The following CCNDBP1 variants were observed in gnomAD, a reference collection of about 807,000 sequenced individuals.
CCNDBP1 encodes cyclin D1 binding protein 1, also known as cyclin-D1-binding protein 1.
CCNDBP1 carries 45 observed loss-of-function variants against 46.2 expected under a neutral mutation model. The ratio of observed to expected loss-of-function variants is 0.97; its 90% confidence interval spans 0.77 to 1.25. CCNDBP1 has a LOEUF of 1.25. CCNDBP1 is among the 50% of genes most tolerant of loss of function. The pLI is 0.00. For missense variants in CCNDBP1, 436 were observed against 442.1 expected (o/e 0.99, Z 0.12); for synonymous variants, 154 against 163.6 (o/e 0.94, Z 0.45).
intron 4 of CCNDBP1, 137 bp downstream of exon 4, chr15:43,189,417 T>A: frequency 1.8e-6 from 1 of 558,676 alleles, no homozygotes; most frequent in Non-Finnish European, 3.1e-6. Flanking sequence ...TTTTGTAATG[T>A]AAGTGACTTA....
At chr15:43,187,361 C>T (rs1466079801) in intron 3 of CCNDBP1, among the ~76,000 whole-genome samples, 4 of 151,808 alleles carry the variant, frequency 2.6e-5, no homozygotes, top group Non-Finnish European at 5.9e-5. Context: ...CCTCTGCCTA[C>T]CGGGTTCAAG....
At chr15:43,193,680 A>G (rs973639841) in intron 9 of CCNDBP1, among the ~76,000 whole-genome samples, 30 of 152,192 alleles carry the variant, frequency 2.0e-4, no homozygotes, top group Non-Finnish European at 4.4e-5. Context: ...CTCTAATGTT[A>G]TTGGAAAGAG....
rs1253622969 is a variant in CCNDBP1 at position 43,185,590 on chromosome 15, T to G, written c.92T>G (p.Leu31Arg). Residue 31 changes from leucine to arginine, a missense_variant, in exon 1 of 11, where the codon CTC becomes CGC. Physicochemically the swap from Leu to Arg is moderately radical, Grantham distance 102 (BLOSUM62 -2). Coordinates refer to ENST00000300213, the MANE Select transcript of CCNDBP1 (RefSeq NM_012142.5). Reference protein sequence around the residue: ...LRHLAEELRLLLPRVRVGEAQ... With the variant: ...LRHLAEELRLRLPRVRVGEAQ... ...CACTTGGCGGAGGAGCTGCGGTTGCTCCTGCCTCGAGTGCGGGGTGAGCTG... is the reference window on the plus strand; with the variant it reads ...CACTTGGCGGAGGAGCTGCGGTTGCGCCTGCCTCGAGTGCGGGGTGAGCTG... 6.4e-7 allele frequency: 1 copy of G among 1,562,126 alleles called. No individual in the cohort carries two copies. Among genetic ancestry groups the G allele is most frequent in the Non-Finnish European group, 8.6e-7 (1 of 1,156,418 alleles).
intron 9 of CCNDBP1, chr15:43,193,971 C>T: frequency 3.5e-6 from 1 of 288,016 alleles, no homozygotes; most frequent in South Asian, 2.8e-5. Flanking sequence ...GCATATGCAT[C>T]TTATATGTAT....
chr15:43,189,616 C>T (rs914004777), intron 4 of CCNDBP1: 14 of 325,430 alleles, frequency 4.3e-5, no homozygotes, highest in African/African-American at 2.6e-4. Flanking sequence ...TTTCCTCCAC[C>T]CATGTTATAT....
At position 43,197,034 on chromosome 15, in the gene CCNDBP1, C is replaced by G. The variant is rs964089543; in HGVS notation, c.*2193C>G. The G allele has an allele frequency of 1.9e-5, 9 of 465,060 alleles. No individual in the cohort carries two copies. Among genetic ancestry groups the G allele is most frequent in the Non-Finnish European group, 3.5e-5 (9 of 253,878 alleles). The allele number at this position is 465,060 out of a possible 1,614,324, so 28.8% of individuals were successfully genotyped here. A position where few individuals can be genotyped will look rare whatever the true frequency, so the allele number is the denominator to read the frequency against. On this transcript the variant is annotated 3_prime_UTR_variant, in exon 11 of 11. Coordinates refer to ENST00000300213, the MANE Select transcript of CCNDBP1 (RefSeq NM_012142.5). ...CTGGCACCTGGCACTTACCCCTACC[C>G]CTCAACCCATTCTTGCCCTGTGATC...
chr15:43,187,278 T>C (rs2041868062), intron 3 of CCNDBP1, among the ~76,000 whole-genome samples: 1 of 151,984 alleles, frequency 6.6e-6, no homozygotes, highest in Non-Finnish European at 1.5e-5. Flanking sequence ...GAGATTTTTT[T>C]TTTTTTTTTG....
Position 43,191,529 on chromosome 15 carries a change from A to G in CCNDBP1, c.714A>G (p.Gln238=), listed in dbSNP as rs754399432. Residue 238 remains glutamine (Q), a synonymous_variant, in exon 8 of 11, where the codon CAA becomes CAG. Transcript: ENST00000300213. ...ACTTGTATTGGTCAGAGGACGATCA[A>G]GAGCTCATAATCCCATGCCTTGCGC... ...NQDLYWSEDD[Q]ELIIPCLALV... is the part of the protein sequence containing the mutation. 1.4e-5 allele frequency: 23 copies of G among 1,614,128 alleles called. No homozygotes were observed. The African/African-American group carries it at 1.7e-4, about 12-fold the overall frequency.
At position 43,194,549 on chromosome 15, in the gene CCNDBP1, G is replaced by A. The variant is rs1428803537; in HGVS notation, c.968+88G>A. ...CTCAACTCCCTAGCTCCCATTTCAA[G>A]GAGTGGGAAAGGGTGGGTGTGGGAT... On this transcript the variant is annotated intron_variant, in intron 10 of 10. Coordinates refer to ENST00000300213, the MANE Select transcript of CCNDBP1 (RefSeq NM_012142.5). 12 of 1,153,512 alleles carry A rather than the reference G, an allele frequency of 1.0e-5. No individual in the cohort carries two copies. In the East Asian group the frequency reaches 2.7e-4, roughly 25 times the overall value. 71.5% of individuals were successfully genotyped at this position (1,153,512 alleles called of 1,614,324 possible).
chr15:43,191,567 C>T lies in CCNDBP1; in HGVS notation c.752C>T (p.Ser251Phe). Reference protein sequence around the residue: ...IIPCLALVRASKACLKKIRML... With the variant: ...IIPCLALVRAFKACLKKIRML... ...CCATGCCTTGCGCTGGTGAGAGCAT[C>T]CAAAGCCTGCCTGAAGAAAATTCGG... The change falls in exon 8 of 11, where the codon TCC (serine) becomes TTC (phenylalanine). Residue 251 changes from serine (S) to phenylalanine (F), a missense_variant. Ser to Phe is a radical substitution (Grantham distance 155, BLOSUM62 -2). Coordinates refer to ENST00000300213, the MANE Select transcript of CCNDBP1 (RefSeq NM_012142.5). 1.2e-6 allele frequency: 2 copies of T among 1,613,966 alleles called. No individual in the cohort carries two copies. Among genetic ancestry groups the T allele is most frequent in the Non-Finnish European group, 1.7e-6 (2 of 1,180,004 alleles).
chr15:43,192,541 C>T (rs2041970805), intron 8 of CCNDBP1, among the ~76,000 whole-genome samples: 1 of 152,144 alleles, frequency 6.6e-6, no homozygotes, highest in Admixed American at 6.5e-5. Flanking sequence ...GAATTTCCCC[C>T]CCAGCTTCCT....
Position 43,191,425 on chromosome 15 carries a change from C to T in CCNDBP1, c.610C>T (p.Leu204Phe), listed in dbSNP as rs1429610350. The change falls in exon 8 of 11, where the codon CTC becomes TTC. Residue 204 changes from leucine (L) to phenylalanine (F), a missense_variant. By Grantham distance (22) the Leu-to-Phe change is conservative. Coordinates refer to ENST00000300213, the MANE Select transcript of CCNDBP1 (RefSeq NM_012142.5). ...GGAAGAATGTGACCCTTACTCTGGC[C>T]TCTTGAATGATACTGAGGAGAACAA... ...AVEECDPYSG[L>F]LNDTEENNSD... The T allele has an allele frequency of 3.7e-6, 6 of 1,601,096 alleles. No individual in the cohort carries two copies. The highest frequency in any genetic ancestry group is 2.8e-5 in the African/African-American group (2 of 71,840).
rs2042042988 is a variant in CCNDBP1, at chr15:43,196,802, A to G, written c.*1961A>G. On this transcript the variant is annotated 3_prime_UTR_variant, in exon 11 of 11. Transcript: ENST00000300213. Reference sequence around the variant, plus strand: ...TCTGAGCACCTTTTCAACCTGAATGACTACTCATTTATCTGATAAAGTGAT... The same window carrying G: ...TCTGAGCACCTTTTCAACCTGAATGGCTACTCATTTATCTGATAAAGTGAT... 4.7e-6 allele frequency: 1 copy of G among 210,986 alleles called. No individual in the cohort carries two copies. Among genetic ancestry groups the G allele is most frequent in the Non-Finnish European group, 9.7e-6 (1 of 103,338 alleles). 13.1% of individuals were successfully genotyped at this position (210,986 alleles called of 1,614,324 possible). A position where few individuals can be genotyped will look rare whatever the true frequency, so the allele number is the denominator to read the frequency against.
At chr15:43,194,366 C>A in intron 9 of CCNDBP1, 49 bp from the exon 10 acceptor site, 1 of 1,470,304 alleles carries the variant, frequency 6.8e-7, no homozygotes, top group Non-Finnish European at 9.1e-7. Flanking sequence ...TTGAACTCAC[C>A]TTTTTATGGT....
intron 3 of CCNDBP1, among the ~76,000 whole-genome samples, chr15:43,187,378 T>C (rs2041870647): frequency 6.6e-6 from 1 of 152,020 alleles, no homozygotes; most frequent in Non-Finnish European, 1.5e-5. Context: ...CAAGCAGTTC[T>C]CCTGCCTCAG....
At position 43,196,418 on chromosome 15, in the gene CCNDBP1, G is replaced by C. The variant is rs2042039059; in HGVS notation, c.*1577G>C. The C allele has an allele frequency of 6.6e-6, 1 of 150,596 alleles. No individual in the cohort carries two copies. Among genetic ancestry groups the C allele is most frequent in the African/African-American group, 2.4e-5 (1 of 40,854 alleles). The allele number at this position is 150,596 out of a possible 1,614,324, so 9.3% of individuals were successfully genotyped here. ...TTCTCTGGCTTCAGCCTCTCAAGTA[G>C]CTGGGACTACAGATGCACACCACCA... is the stretch of plus-strand genomic sequence containing the variant. On this transcript the variant is annotated 3_prime_UTR_variant, in exon 11 of 11. Transcript: ENST00000300213.
At chr15:43,192,509 T>C (rs1271088895) in intron 8 of CCNDBP1, among the ~76,000 whole-genome samples, 1 of 152,214 alleles carries the variant, frequency 6.6e-6, no homozygotes, top group African/African-American at 2.4e-5. Context: ...GAATTGATCA[T>C]GCACCCTACT....
intron 6 of CCNDBP1, 106 bp from the exon 7 acceptor site, chr15:43,190,860 T>C: frequency 3.4e-6 from 3 of 882,826 alleles, no homozygotes; most frequent in Non-Finnish European, 5.6e-6. Flanking sequence ...TTGTCAACCG[T>C]CCTTGGCACT....
chr15:43,190,269 T>G, intron 5 of CCNDBP1, 56 bp from the exon 6 acceptor site: 1 of 1,600,984 alleles, frequency 6.2e-7, no homozygotes, highest in African/African-American at 1.3e-5. Context: ...GGAAGAAGCT[T>G]TTTAGGAGAC....
Sources: gnomAD v4.1 joint callset for allele counts (sites outside exome capture counted in the v4.1 genomes callset) on GRCh38, gnomAD v4.1.1 for gene constraint, MANE v1.5 for transcripts, NCBI Gene and HGNC (gene_info 2026-07-23, HGNC 2026-07-21) for gene names.